The following SLC39A10 variants were observed in gnomAD, a reference collection of about 807,000 sequenced individuals.
SLC39A10 encodes solute carrier family 39 member 10.
SLC39A10 carries 13 observed loss-of-function variants against 65.1 expected under a neutral mutation model. That is an observed-to-expected ratio of 0.20 (90% CI 0.13 to 0.32). The LOEUF is 0.32. Ranked by LOEUF, SLC39A10 falls within the 10% of genes least tolerant of loss-of-function variation. The probability of loss-of-function intolerance (pLI) is 1.00; values close to 1 mark genes in which losing one functional copy is unlikely to be tolerated. For synonymous variants in SLC39A10, 321 were observed against 342.2 expected (o/e 0.94, Z 0.68); for missense variants, 831 against 1,018.4 (o/e 0.82, Z 2.50).
rs967017126 is a variant in SLC39A10, at chr2:195,734,773, G to T, written c.2338-110G>T. 8.9e-6 allele frequency: 9 copies of T among 1,012,138 alleles called. No individual in the cohort carries two copies. In the African/African-American group the frequency reaches 1.5e-4, roughly 17 times the overall value. The allele number at this position is 1,012,138 out of a possible 1,614,324, so 62.7% of individuals were successfully genotyped here. A position where few individuals can be genotyped will look rare whatever the true frequency, so the allele number is the denominator to read the frequency against. On this transcript the variant is annotated intron_variant, in intron 9 of 9. Transcript: ENST00000359634. ...TTGTGTTCAATAAAATAATTATTTTGTCTGTAGTTACACTTCAGTCACTAA... is the reference window on the plus strand; with the variant it reads ...TTGTGTTCAATAAAATAATTATTTTTTCTGTAGTTACACTTCAGTCACTAA...
At chr2:195,629,533 A>G (rs186802868) in intron 2 of SLC39A10, among the ~76,000 whole-genome samples, 1 of 152,192 alleles carries the variant, frequency 6.6e-6, no homozygotes, top group Admixed American at 6.5e-5. Context: ...CACTGCTTCT[A>G]CACCAGCATA....
chr2:195,696,713 T>C (rs1270397064), intron 3 of SLC39A10, among the ~76,000 whole-genome samples: 1 of 152,102 alleles, frequency 6.6e-6, no homozygotes, highest in Admixed American at 6.6e-5. Context: ...TTACCAATAA[T>C]ATAGTCAATT....
intron 2 of SLC39A10, 25 bp from the exon 3 acceptor site, chr2:195,683,674 A>T: frequency 6.3e-7 from 1 of 1,577,404 alleles, no homozygotes; most frequent in Non-Finnish European, 8.7e-7. Flanking sequence ...CTCTTATTTA[A>T]TTTGTTTTAT....
intron 8 of SLC39A10, among the ~76,000 whole-genome samples, chr2:195,720,444 T>C (rs1559049199): frequency 6.6e-6 from 1 of 152,176 alleles, no homozygotes; most frequent in Non-Finnish European, 1.5e-5. Context: ...AAAGAAAAAA[T>C]GCTAATGCCA....
upstream of SLC39A10, among the ~76,000 whole-genome samples, chr2:195,653,198 G>A (rs1289691018): frequency 1.3e-5 from 2 of 152,032 alleles, no homozygotes; most frequent in Non-Finnish European, 2.9e-5. Context: ...TTCTTTCAGA[G>A]CCTGCTATCT....
chr2:195,630,204 G>A (rs942624642), intron 2 of SLC39A10, among the ~76,000 whole-genome samples: 6 of 148,012 alleles, frequency 4.1e-5, no homozygotes. Flanking sequence ...ACAAACTCCT[G>A]GGCTTTTGAC....
intron 3 of SLC39A10, among the ~76,000 whole-genome samples, chr2:195,702,837 C>G (rs1264333654): frequency 6.6e-6 from 1 of 152,170 alleles, no homozygotes; most frequent in Non-Finnish European, 1.5e-5. Context: ...GTTAGGTCAA[C>G]CAGCTGAGAT....
At chr2:195,613,248 T>A (rs900388833) in intron 2 of SLC39A10, among the ~76,000 whole-genome samples, 1 of 152,170 alleles carries the variant, frequency 6.6e-6, no homozygotes, top group African/African-American at 2.4e-5. Flanking sequence ...CCTTTCTTCC[T>A]CCTTGATGAT....
chr2:195,627,287 A>G (rs1002266126), intron 2 of SLC39A10, among the ~76,000 whole-genome samples: 6 of 152,142 alleles, frequency 3.9e-5, no homozygotes, highest in South Asian at 2.1e-4. Context: ...CCCGCGCCCA[A>G]TGACTCACAT....
At chr2:195,722,876 A>G (rs1448271055) in intron 8 of SLC39A10, among the ~76,000 whole-genome samples, 2 of 152,248 alleles carry the variant, frequency 1.3e-5, no homozygotes, top group Non-Finnish European at 2.9e-5. Flanking sequence ...ATTGCAATAC[A>G]TGGAGACTGA....
intron 8 of SLC39A10, among the ~76,000 whole-genome samples, chr2:195,725,072 C>T (rs1484068818): frequency 1.3e-5 from 2 of 151,500 alleles, no homozygotes; most frequent in African/African-American, 4.9e-5. Flanking sequence ...TGGACATCTA[C>T]ATGCAATTAA....
intron 7 of SLC39A10, chr2:195,717,336 C>A (rs749315514): frequency 2.1e-5 from 4 of 189,194 alleles, no homozygotes; most frequent in Admixed American, 6.0e-5. Flanking sequence ...TAATTTCAAT[C>A]CTAGGTTTAA....
At chr2:195,643,568 A>C (rs1274280121) in intron 2 of SLC39A10, among the ~76,000 whole-genome samples, 2 of 152,208 alleles carry the variant, frequency 1.3e-5, no homozygotes, top group African/African-American at 4.8e-5. Flanking sequence ...AATTGAATGG[A>C]TAAACCATTT....
chr2:195,700,490 A>G (rs1176184602), intron 3 of SLC39A10, among the ~76,000 whole-genome samples: 1 of 152,212 alleles, frequency 6.6e-6, no homozygotes, highest in Non-Finnish European at 1.5e-5. Context: ...ATAGCATACA[A>G]AAATTCTGCT....
At chr2:195,648,593 A>T (rs1258456450) in intron 2 of SLC39A10, among the ~76,000 whole-genome samples, 2 of 152,104 alleles carry the variant, frequency 1.3e-5, no homozygotes, top group Non-Finnish European at 2.9e-5. Context: ...TGGGAGGATC[A>T]CTTGAGTTTG....
intron 3 of SLC39A10, among the ~76,000 whole-genome samples, chr2:195,696,331 A>AC (rs1054646614): frequency 1.3e-5 from 2 of 151,842 alleles, no homozygotes; most frequent in African/African-American, 4.8e-5. Flanking sequence ...AAAAAAAAAA[A>AC]AAAACCTATC....
In SLC39A10 at chr2:195,736,157, C is replaced by T. The variant is rs529503226; in HGVS notation, c.*1116C>T. 1.5e-4 allele frequency: 23 copies of T among 152,698 alleles called. No homozygotes were observed. Among genetic ancestry groups the T allele is most frequent in the South Asian group, 4.1e-4 (2 of 4,822 alleles). The allele number at this position is 152,698 out of a possible 1,614,324, so 9.5% of individuals were successfully genotyped here. A position where few individuals can be genotyped will look rare whatever the true frequency, so the allele number is the denominator to read the frequency against. ...CATGGCTGTCATGGTACCCAAGTGA[C>T]TTGGAAGATGCATTTAAATTACTCA... On this transcript the variant is annotated 3_prime_UTR_variant, in exon 10 of 10. Transcript: ENST00000359634.
chr2:195,625,611 A>C (rs1391237026), intron 2 of SLC39A10, among the ~76,000 whole-genome samples: 1 of 152,140 alleles, frequency 6.6e-6, no homozygotes, highest in Non-Finnish European at 1.5e-5. Flanking sequence ...TTATATAAGG[A>C]GTCCATTTTC....
In SLC39A10 at chr2:195,737,697, C is replaced by T. The variant is rs1443723906; in HGVS notation, c.*2656C>T. ...CCAAAATAAAGTTACTCAAAGAGAG[C>T]AAATATGCCAGTGTGTTTTCTTTAG... On this transcript the variant is annotated 3_prime_UTR_variant, in exon 10 of 10. Transcript: ENST00000359634. The T allele has an allele frequency of 7.0e-6, 3 of 428,512 alleles. No homozygotes were observed. The highest frequency in any genetic ancestry group is 2.0e-5 in the African/African-American group (1 of 49,206). The allele number at this position is 428,512 out of a possible 1,614,324, so 26.5% of individuals were successfully genotyped here. A position where few individuals can be genotyped will look rare whatever the true frequency, so the allele number is the denominator to read the frequency against.
Sources: allele counts gnomAD v4.1 joint callset (sites outside exome capture counted in the v4.1 genomes callset), GRCh38; gene constraint gnomAD v4.1.1; transcripts MANE v1.5; gene names NCBI Gene and HGNC (gene_info 2026-07-23, HGNC 2026-07-21).